OR2C1: variants seen among roughly 807,000 people sequenced by gnomAD.
OR2C1 encodes olfactory receptor 2C1.
For synonymous variants in OR2C1, 209 were observed against 167.3 expected (o/e 1.25, Z -1.92); for missense variants, 468 against 388.3 (o/e 1.21, Z -1.73).
the OR2C1 span, among the ~76,000 whole-genome samples, chr16:3,338,074 G>A: frequency 1.3e-5 from 2 of 152,110 alleles, no homozygotes; most frequent in Non-Finnish European, 2.9e-5. Context: ...AATGGGGAAG[G>A]TCCCAAAGTG....
At chr16:3,333,165 A>G in the OR2C1 span, among the ~76,000 whole-genome samples, 1 of 130,578 alleles carries the variant, frequency 7.7e-6, no homozygotes, top group Non-Finnish European at 1.6e-5. Flanking sequence ...CCTGTAGGCC[A>G]TATTTATGTC....
chr16:3,337,581 C>G, the OR2C1 span, among the ~76,000 whole-genome samples: 1 of 151,932 alleles, frequency 6.6e-6, no homozygotes, highest in Non-Finnish European at 1.5e-5. Context: ...TTCCAAGATT[C>G]CTGTTTGATT....
chr16:3,349,175 T>G, the OR2C1 span, among the ~76,000 whole-genome samples: 6 of 152,140 alleles, frequency 3.9e-5, no homozygotes, highest in African/African-American at 7.2e-5. Context: ...CACAGCACCT[T>G]GAAAAGAATA....
At chr16:3,323,508 A>C in the OR2C1 span, 1 of 741,798 alleles carries the variant, frequency 1.3e-6, no homozygotes, top group Non-Finnish European at 2.5e-6. Flanking sequence ...GGAAATCCCC[A>C]GATCACATAA....
the OR2C1 span, among the ~76,000 whole-genome samples, chr16:3,347,246 C>CAAAAA: frequency 1.7e-3 from 112 of 64,286 alleles, 5 homozygotes; most frequent in Admixed American, 2.0e-3. Flanking sequence ...GACTCTGTCT[C>CAAAAA]AAAAAAAAAA....
the OR2C1 span, among the ~76,000 whole-genome samples, chr16:3,324,896 A>C: frequency 6.6e-6 from 1 of 152,168 alleles, no homozygotes; most frequent in South Asian, 2.1e-4. Flanking sequence ...GAGTCACACA[A>C]ATTTTTTGGT....
At chr16:3,349,296 A>G in the OR2C1 span, among the ~76,000 whole-genome samples, 1 of 152,180 alleles carries the variant, frequency 6.6e-6, no homozygotes, top group East Asian at 1.9e-4. Context: ...TCGGTTCTTC[A>G]GGGACAGCTT....
At chr16:3,348,382 G>C in the OR2C1 span, among the ~76,000 whole-genome samples, 1 of 152,200 alleles carries the variant, frequency 6.6e-6, no homozygotes, top group Admixed American at 6.5e-5. Context: ...GTATGGATTT[G>C]GGAGTTAGAC....
chr16:3,355,862 C>G, upstream of OR2C1: 1 of 1,010,398 alleles, frequency 9.9e-7, no homozygotes, highest in African/African-American at 1.6e-5. Flanking sequence ...AAATCCACCT[C>G]ATCCAACAGC....
At chr16:3,351,479 G>GA (rs959884290), upstream of OR2C1, among the ~76,000 whole-genome samples, 1 of 151,872 alleles carries the variant, frequency 6.6e-6, no homozygotes, top group African/African-American at 2.4e-5. Flanking sequence ...AATGGTCTGA[G>GA]AAAAAAATAA....
At chr16:3,340,825 A>T in the OR2C1 span, among the ~76,000 whole-genome samples, 1 of 151,990 alleles carries the variant, frequency 6.6e-6, no homozygotes, top group Non-Finnish European at 1.5e-5. Flanking sequence ...ATCTGTTCTT[A>T]TGTCAGTACT....
At chr16:3,347,246 C>CAAAAAAAAAAA in the OR2C1 span, among the ~76,000 whole-genome samples, 1 of 64,494 alleles carries the variant, frequency 1.6e-5, no homozygotes, top group African/African-American at 6.5e-5. Context: ...GACTCTGTCT[C>CAAAAAAAAAAA]AAAAAAAAAA....
chr16:3,336,191 C>A, the OR2C1 span, among the ~76,000 whole-genome samples: 1 of 152,156 alleles, frequency 6.6e-6, no homozygotes, highest in Middle Eastern at 3.4e-3. Context: ...GGTTTTTATT[C>A]TTCATTCTGT....
rs1479588573 is a variant in OR2C1 at position 3,356,512 on chromosome 16, A to G, written c.572A>G (p.Asp191Gly). 3.1e-6 allele frequency: 5 copies of G among 1,614,042 alleles called. No individual in the cohort carries two copies. In the African/African-American group the frequency reaches 6.7e-5, roughly 22 times the overall value. ...VPAMIKLACGDTSLNQAVLNG... is the reference protein window; with the variant it reads ...VPAMIKLACGGTSLNQAVLNG... Reference sequence around the variant, plus strand: ...GCCATGATCAAACTGGCCTGTGGCGACACAAGTCTCAACCAGGCTGTGCTC... The same window carrying G: ...GCCATGATCAAACTGGCCTGTGGCGGCACAAGTCTCAACCAGGCTGTGCTC... Residue 191 changes from aspartate (D) to glycine (G), a missense_variant, in exon 1 of 1, where the codon GAC becomes GGC. Transcript: ENST00000304936.
At position 3,356,768 on chromosome 16, in the gene OR2C1, G is replaced by C; in HGVS notation, c.828G>C (p.Leu276=). ...AGGACCAGGGCAAGTTCATTTCCCT[G>C]TTCTACTCGTTGGTCACACCCATGG... The part of the protein sequence containing the change: ...SKQDQGKFIS[L]FYSLVTPMVN... Residue 276 remains leucine (L), a synonymous_variant, in exon 1 of 1, where the codon CTG becomes CTC. Coordinates refer to ENST00000304936, the MANE Select transcript of OR2C1 (RefSeq NM_012368.3). 1.2e-6 allele frequency: 2 copies of C among 1,614,138 alleles called. No individual in the cohort carries two copies. Among genetic ancestry groups the C allele is most frequent in the Non-Finnish European group, 1.7e-6 (2 of 1,180,022 alleles).
chr16:3,330,386 G>T, the OR2C1 span, among the ~76,000 whole-genome samples: 3 of 152,138 alleles, frequency 2.0e-5, no homozygotes, highest in African/African-American at 7.2e-5. Flanking sequence ...GAAGTGCTGG[G>T]ATTACAGATG....
chr16:3,343,489 C>T, the OR2C1 span, among the ~76,000 whole-genome samples: 3,730 of 152,248 alleles, frequency 0.024, 143 homozygotes, highest in African/African-American at 0.084. Flanking sequence ...CGGTGGCTCA[C>T]GCCTGTGATC....
At chr16:3,331,414 G>A in the OR2C1 span, among the ~76,000 whole-genome samples, 1 of 151,434 alleles carries the variant, frequency 6.6e-6, no homozygotes, top group East Asian at 1.9e-4. Flanking sequence ...TGTCAATTTT[G>A]GCTTTGGTTG....
chr16:3,337,336 T>G, the OR2C1 span, among the ~76,000 whole-genome samples: 3 of 151,442 alleles, frequency 2.0e-5, no homozygotes, highest in Admixed American at 1.3e-4. Flanking sequence ...TTAATTTTTT[T>G]GTTTGTATTT....
Sources: allele counts gnomAD v4.1 joint callset (sites outside exome capture counted in the v4.1 genomes callset), GRCh38; gene constraint gnomAD v4.1.1; transcripts MANE v1.5; gene names NCBI Gene and HGNC (gene_info 2026-07-23, HGNC 2026-07-21).